MYH10: variants seen among roughly 807,000 people sequenced by gnomAD.
MYH10 encodes the protein myosin heavy chain 10.
A neutral mutation model predicts 257.8 loss-of-function variants in MYH10; 55 were observed. The ratio of observed to expected loss-of-function variants is 0.21; its 90% CI spans 0.17 to 0.27. The LOEUF (loss-of-function observed/expected upper bound fraction) is 0.27. MYH10 is among the 10% of genes least tolerant of loss of function. The probability of loss-of-function intolerance (pLI) is 1.00; values close to 1 mark genes in which losing one functional copy is unlikely to be tolerated. For missense variants in MYH10, 1,631 were observed against 2,500.6 expected, an observed-to-expected ratio of 0.65 and a Z score of 7.42; for synonymous variants, 854 against 921.7, an observed-to-expected ratio of 0.93 and a Z score of 1.33.
At chr17:8,548,906 C>T (rs571355408) in intron 9 of MYH10, 119 bp from the exon 10 acceptor site, 2 of 735,648 alleles carry the variant, frequency 2.7e-6, no homozygotes, top group African/African-American at 3.5e-5. Flanking sequence ...CAACCCATTG[C>T]CAGCAAAATG....
At chr17:8,593,189 C>A (rs1375745278) in intron 3 of MYH10, among the ~76,000 whole-genome samples, 2 of 151,628 alleles carry the variant, frequency 1.3e-5, no homozygotes, top group African/African-American at 4.8e-5. Flanking sequence ...GGAACTTCAA[C>A]CTGATAAAGG....
chr17:8,582,337 AC>A (rs1218298776), intron 4 of MYH10, among the ~76,000 whole-genome samples: 1 of 152,194 alleles, frequency 6.6e-6, no homozygotes, highest in East Asian at 1.9e-4. Flanking sequence ...ACAGGCCAAG[AC>A]CTCAAAGAGT....
At chr17:8,574,041 A>G (rs1001854437) in intron 6 of MYH10, among the ~76,000 whole-genome samples, 1 of 152,226 alleles carries the variant, frequency 6.6e-6, no homozygotes, top group Non-Finnish European at 1.5e-5. Flanking sequence ...GCTACCTAAG[A>G]AAAATGAAAA....
intron 17 of MYH10, 176 bp from the exon 18 acceptor site, chr17:8,521,461 C>A: frequency 3.2e-6 from 2 of 634,124 alleles, no homozygotes; most frequent in East Asian, 5.5e-5. Flanking sequence ...CTAACAGCCA[C>A]ACACTTATAT....
intron 21 of MYH10, among the ~76,000 whole-genome samples, chr17:8,514,908 C>T (rs147462302): frequency 4.3e-4 from 66 of 152,300 alleles, no homozygotes; most frequent in African/African-American, 1.5e-3. Context: ...CTGGGGACTA[C>T]CCACTACTGG....
chr17:8,550,396 G>GTGCCC, intron 9 of MYH10, among the ~76,000 whole-genome samples: 1 of 136,388 alleles, frequency 7.3e-6, no homozygotes, highest in South Asian at 2.4e-4. Flanking sequence ...TCTGGGAGGT[G>GTGCCC]AGGAGCATCT....
At chr17:8,488,239 C>T (rs1275625583) in intron 35 of MYH10, among the ~76,000 whole-genome samples, 3 of 152,176 alleles carry the variant, frequency 2.0e-5, no homozygotes, top group African/African-American at 7.2e-5. Flanking sequence ...ACTCAGCCTC[C>T]TAGTGTGCAG....
intron 9 of MYH10, among the ~76,000 whole-genome samples, chr17:8,550,548 C>T (rs1349914526): frequency 6.6e-6 from 1 of 150,750 alleles, no homozygotes; most frequent in Non-Finnish European, 1.5e-5. Flanking sequence ...GGCCAGCCGC[C>T]CTGCCCGGGA....
rs1047749182 is a variant in MYH10 at position 8,506,999 on chromosome 17, G to T, written c.3215-510C>A. ...TCTCCACCCTCCCCTCTAAAATTCT[G>T]CAGTGATCTCTCAGTTAGCCCTAGT... On this transcript the variant is annotated intron_variant, in intron 26 of 42. Transcript: ENST00000360416. This position sits in a 1 kb window ranked among gnomAD's most constrained non-coding sequence, Gnocchi z 5.0. Among the ~76,000 whole-genome samples, 1 of 152,198 alleles carries T rather than the reference G, an allele frequency of 6.6e-6. No individual in the cohort carries two copies. The highest frequency in any genetic ancestry group is 1.5e-5 in the Non-Finnish European group (1 of 68,034).
rs1255442106 is a variant in MYH10, at chr17:8,535,350, C to T, written c.1894+37G>A. ...TATAAACCTTAATTATAAAAGATTC[C>T]AGCCAAGCATGATTACAAAGATAAG... On this transcript the variant is annotated intron_variant, in intron 16 of 42. Coordinates refer to ENST00000360416, the MANE Select transcript of MYH10 (RefSeq NM_001256012.3). This position sits in a 1 kb window ranked among gnomAD's most constrained non-coding sequence, Gnocchi z 4.3. 3.0e-5 allele frequency: 44 copies of T among 1,483,464 alleles called. No homozygotes were observed. The highest frequency in any genetic ancestry group is 3.9e-5 in the Non-Finnish European group (42 of 1,068,730). The allele number at this position is 1,483,464 out of a possible 1,614,324, so 91.9% of individuals were successfully genotyped here.
intron 7 of MYH10, among the ~76,000 whole-genome samples, chr17:8,555,487 A>G (rs778729905): frequency 1.3e-5 from 2 of 152,366 alleles, no homozygotes; most frequent in Non-Finnish European, 2.9e-5. Context: ...TCATGTATGT[A>G]AGTTAATTCA....
At chr17:8,503,061 T>G (rs1008400128) in intron 28 of MYH10, among the ~76,000 whole-genome samples, 4 of 152,180 alleles carry the variant, frequency 2.6e-5, no homozygotes, top group Non-Finnish European at 5.9e-5. Flanking sequence ...GGCGGGCGGA[T>G]CACCTGAGGT....
chr17:8,610,311 G>A lies in MYH10; in HGVS notation c.346-5329C>T, dbSNP rs181543522. Among the ~76,000 whole-genome samples, 47 of 142,398 alleles carry A rather than the reference G, an allele frequency of 3.3e-4. No individual in the cohort carries two copies. The East Asian group carries it at 6.3e-3, about 19-fold the overall frequency. 93.4% of individuals were successfully genotyped at this position (142,398 alleles called of 152,430 possible). The stretch of plus-strand genomic sequence containing the variant: ...AAAAAAAGGGTTGGGGGAAGCGGCC[G>A]GGCATGGTAGCTCATGCTTGTAACC... On this transcript the variant is annotated intron_variant, in intron 2 of 42. Coordinates refer to ENST00000360416, the MANE Select transcript of MYH10 (RefSeq NM_001256012.3).
intron 34 of MYH10, among the ~76,000 whole-genome samples, chr17:8,491,326 C>T (rs903761051): frequency 4.9e-4 from 75 of 152,336 alleles, no homozygotes; most frequent in Admixed American, 4.6e-3. Context: ...CTACAGAAAA[C>T]GAACATGAAA....
chr17:8,624,891 AG>A (rs1456806718), intron 1 of MYH10, among the ~76,000 whole-genome samples: 3 of 152,194 alleles, frequency 2.0e-5, no homozygotes, highest in Non-Finnish European at 4.4e-5. Context: ...CCGCCTCTAC[AG>A]AAAAATTTAA....
intron 4 of MYH10, among the ~76,000 whole-genome samples, chr17:8,583,014 A>G (rs139856860): frequency 3.5e-4 from 53 of 152,340 alleles, no homozygotes; most frequent in African/African-American, 1.2e-3. Context: ...TTAGTAGATG[A>G]CTTCCTACAG....
At chr17:8,578,823 A>G (rs984591793) in intron 4 of MYH10, among the ~76,000 whole-genome samples, 1 of 152,228 alleles carries the variant, frequency 6.6e-6, no homozygotes, top group Non-Finnish European at 1.5e-5. Context: ...AATTTGGATT[A>G]TAAGAAAAAT....
intron 29 of MYH10, 66 bp downstream of exon 29, chr17:8,500,760 T>C (rs1917398442): frequency 8.3e-6 from 13 of 1,561,286 alleles, no homozygotes; most frequent in South Asian, 1.2e-5. Flanking sequence ...AACGGGCAGA[T>C]AGGATGGGAG....
At chr17:8,576,209 G>T (rs2152017761) in intron 6 of MYH10, among the ~76,000 whole-genome samples, 1 of 152,188 alleles carries the variant, frequency 6.6e-6, no homozygotes, top group Middle Eastern at 3.4e-3. Context: ...CATAAACTAT[G>T]CCATGCCATA....
Sources: gnomAD v4.1 joint callset for allele counts (sites outside exome capture counted in the v4.1 genomes callset) on GRCh38, gnomAD v4.1.1 for gene constraint, Gnocchi (gnomAD v3.1) non-coding constraint, MANE v1.5 for transcripts, NCBI Gene and HGNC (gene_info 2026-07-23, HGNC 2026-07-21) for gene names.